The following IRAK3 variants were observed in gnomAD, a reference collection of about 807,000 sequenced individuals.
The protein encoded by IRAK3 is interleukin-1 receptor-associated kinase 3.
Under a neutral mutation model 56.6 loss-of-function variants are expected in IRAK3, and 57 were observed. The ratio of observed to expected loss-of-function variants is 1.01; its 90% CI spans 0.81 to 1.26. The LOEUF is 1.26. IRAK3 is among the 50% of genes most tolerant of loss of function. IRAK3 has a pLI of 0.00. For missense variants in IRAK3, 703 were observed against 719.0 expected (o/e 0.98, Z 0.25); for synonymous variants, 258 against 255.7 (o/e 1.01, Z -0.09).
Position 66,253,006 on chromosome 12 carries a change from A to C in IRAK3, c.*4835A>C, listed in dbSNP as rs1245744828. On this transcript the variant is annotated 3_prime_UTR_variant, in exon 12 of 12. Transcript: ENST00000261233. ...CCTGTTAAATTATATTTCTTCTTCC[A>C]CAAAACTGCAGGTTCCCTGAGGGAA... 1 of 152,118 alleles carries C rather than the reference A, an allele frequency of 6.6e-6. No individual in the cohort carries two copies. Among genetic ancestry groups the C allele is most frequent in the Non-Finnish European group, 1.5e-5 (1 of 68,038 alleles). The allele number at this position is 152,118 out of a possible 1,614,324, so 9.4% of individuals were successfully genotyped here. A position where few individuals can be genotyped will look rare whatever the true frequency, so the allele number is the denominator to read the frequency against.
At position 66,189,408 on chromosome 12, in the gene IRAK3, G is replaced by C. The variant is rs1456709729; in HGVS notation, c.109G>C (p.Gly37Arg). 4.9e-6 allele frequency: 7 copies of C among 1,434,808 alleles called. No homozygotes were observed. The highest frequency in any genetic ancestry group is 5.5e-6 in the Non-Finnish European group (6 of 1,093,126). The allele number at this position is 1,434,808 out of a possible 1,614,324, so 88.9% of individuals were successfully genotyped here. A position where few individuals can be genotyped will look rare whatever the true frequency, so the allele number is the denominator to read the frequency against. ...ELCAVLDSCD[G>R]ALGWRGLAER... ...CTGCGCTGTTCTGGACAGCTGCGAC[G>C]GCGCGCTGGGCTGGCGCGGCCTGGG... is the stretch of plus-strand genomic sequence containing the variant. The change falls in exon 1 of 12, where the codon GGC becomes CGC. Residue 37 changes from glycine (G) to arginine (R), a missense_variant. Transcript: ENST00000261233.
chr12:66,206,022 G>A (rs1646857481), intron 2 of IRAK3, among the ~76,000 whole-genome samples: 1 of 152,122 alleles, frequency 6.6e-6, no homozygotes, highest in South Asian at 2.1e-4. Context: ...ATAATTCAAT[G>A]TTCAGCAATT....
At chr12:66,198,880 G>A (rs149565889) in intron 1 of IRAK3, among the ~76,000 whole-genome samples, 453 of 151,118 alleles carry the variant, frequency 3.0e-3, no homozygotes, top group Admixed American at 7.9e-3. Context: ...CTCAGCTACC[G>A]AGTAGTTAGG....
intron 2 of IRAK3, among the ~76,000 whole-genome samples, chr12:66,207,300 A>C (rs535268817): frequency 1.3e-5 from 2 of 152,086 alleles, no homozygotes; most frequent in African/African-American, 4.8e-5. Flanking sequence ...GTGAAACCCT[A>C]TCTCTACTAA....
Position 66,234,206 on chromosome 12 carries a change from T to C in IRAK3, c.887+5836T>C. 3 of 1,614,098 alleles carry C rather than the reference T, an allele frequency of 1.9e-6. No individual in the cohort carries two copies. The African/African-American group carries it at 4.0e-5, about 22-fold the overall frequency. On this transcript the variant is annotated intron_variant, in intron 8 of 11. Coordinates refer to ENST00000261233, the MANE Select transcript of IRAK3 (RefSeq NM_007199.3). ...TTCATACTGTGGCAAGTAGGCTCCT[T>C]GCATAGCTGACGTTGCAGGCATGTA...
rs1222472904 is a variant in IRAK3, at chr12:66,209,537, T to C, written c.381+17T>C. 2.7e-6 allele frequency: 4 copies of C among 1,456,020 alleles called. No homozygotes were observed. Among genetic ancestry groups the C allele is most frequent in the Non-Finnish European group, 3.9e-6 (4 of 1,036,142 alleles). The allele number at this position is 1,456,020 out of a possible 1,614,324, so 90.2% of individuals were successfully genotyped here. A position where few individuals can be genotyped will look rare whatever the true frequency, so the allele number is the denominator to read the frequency against. On this transcript the variant is annotated intron_variant, in intron 3 of 11. Transcript: ENST00000261233. Reference sequence around the variant, plus strand: ...TTATTCAAGGTAGAGTATGTGTGCATAGAAAATGAGCCTTGAACTTTGTTG... The same window carrying C: ...TTATTCAAGGTAGAGTATGTGTGCACAGAAAATGAGCCTTGAACTTTGTTG...
chr12:66,245,479 T>A (rs1592605020), intron 11 of IRAK3, among the ~76,000 whole-genome samples: 2 of 151,804 alleles, frequency 1.3e-5, no homozygotes, highest in South Asian at 4.2e-4. Context: ...CCACAAAAAA[T>A]TTAATGTAAA....
chr12:66,234,869 T>C, intron 8 of IRAK3: 3 of 1,612,694 alleles, frequency 1.9e-6, no homozygotes, highest in Non-Finnish European at 2.5e-6. Flanking sequence ...AATGTAGAGG[T>C]TGGTAGGATC....
chr12:66,215,786 GCACACACACACA>G (rs71096080), intron 5 of IRAK3, among the ~76,000 whole-genome samples: 26 of 122,902 alleles, frequency 2.1e-4, no homozygotes, highest in South Asian at 2.9e-4. Flanking sequence ...AACCCAACAT[GCACACACACACA>G]CACACACACA....
intron 2 of IRAK3, among the ~76,000 whole-genome samples, chr12:66,207,333 G>A (rs774426950): frequency 1.3e-5 from 2 of 152,020 alleles, no homozygotes; most frequent in Non-Finnish European, 2.9e-5. Flanking sequence ...TTAGCTGGGC[G>A]TGGCAGCATG....
intron 1 of IRAK3, chr12:66,197,116 AC>A (rs1406421048): frequency 7.7e-7 from 1 of 1,306,706 alleles, no homozygotes; most frequent in East Asian, 3.0e-5. Flanking sequence ...TCTTAGGTTG[AC>A]TTTTTGGCTT....
intron 8 of IRAK3, among the ~76,000 whole-genome samples, chr12:66,228,705 A>G (rs1308093802): frequency 2.0e-5 from 3 of 152,186 alleles, no homozygotes; most frequent in Non-Finnish European, 4.4e-5. Context: ...CACAAAAGTG[A>G]TATGTATTAT....
intron 11 of IRAK3, among the ~76,000 whole-genome samples, chr12:66,245,889 T>G (rs1450776910): frequency 6.6e-6 from 1 of 152,146 alleles, no homozygotes; most frequent in Non-Finnish European, 1.5e-5. Context: ...TCCATAGACT[T>G]AATCACCCAT....
intron 1 of IRAK3, chr12:66,197,262 T>C: frequency 8.6e-7 from 1 of 1,165,752 alleles, no homozygotes; most frequent in Non-Finnish European, 1.1e-6. Flanking sequence ...ACATAATTAG[T>C]CATTGAGAAC....
intron 8 of IRAK3, chr12:66,234,924 T>A: frequency 1.9e-6 from 3 of 1,614,172 alleles, no homozygotes; most frequent in Non-Finnish European, 2.5e-6. Context: ...CCACTGGCCT[T>A]CAGGGCAGAC....
intron 5 of IRAK3, 108 bp from the exon 6 acceptor site, chr12:66,217,063 G>A (rs529528831): frequency 1.1e-5 from 9 of 815,378 alleles, no homozygotes; most frequent in Non-Finnish European, 1.7e-5. Flanking sequence ...GTTCATATGT[G>A]TTTACACCAA....
chr12:66,193,769 G>T (rs568788596), intron 1 of IRAK3, among the ~76,000 whole-genome samples: 1 of 152,330 alleles, frequency 6.6e-6, no homozygotes, highest in East Asian at 1.9e-4. Flanking sequence ...TGTATCCAGG[G>T]TCGGTACTAT....
At chr12:66,204,907 T>C (rs2289134) in intron 2 of IRAK3, among the ~76,000 whole-genome samples, 32,956 of 152,106 alleles carry the variant, frequency 0.22, 4,219 homozygotes, top group Middle Eastern at 0.34. Context: ...TATTAGTTCC[T>C]AATAGACTTC....
At chr12:66,218,482 G>T (rs560615992) in intron 6 of IRAK3, among the ~76,000 whole-genome samples, 2 of 152,102 alleles carry the variant, frequency 1.3e-5, no homozygotes, top group Admixed American at 6.5e-5. Flanking sequence ...ATAACAAATT[G>T]TCCTCCAATA....
Sources: allele counts gnomAD v4.1 joint callset (sites outside exome capture counted in the v4.1 genomes callset), GRCh38; gene constraint gnomAD v4.1.1; transcripts MANE v1.5; gene names NCBI Gene and HGNC (gene_info 2026-07-23, HGNC 2026-07-21).